The following TRPV6 variants were observed in gnomAD, a reference collection of about 807,000 sequenced individuals.
TRPV6 encodes Alu-binding protein with zinc finger domain.
Under a neutral mutation model 79.0 loss-of-function variants are expected in TRPV6, and 39 were observed. The ratio of observed to expected loss-of-function variants is 0.49; its 90% CI spans 0.38 to 0.64. TRPV6 has a LOEUF of 0.64. TRPV6 is among the 30% of genes least tolerant of loss of function. The pLI is 0.00. For missense variants in TRPV6, 813 were observed against 1,011.1 expected (o/e 0.80, Z 2.66); for synonymous variants, 373 against 391.9 (o/e 0.95, Z 0.57).
At chr7:142,880,862 C>A (rs555708721) in intron 1 of TRPV6, 1 of 152,182 alleles carries the variant, frequency 6.6e-6, no homozygotes, top group African/African-American at 2.4e-5. Context: ...GCAGCCTATT[C>A]GTTATCTCAA....
At chr7:142,884,708 G>A (rs946215167) in intron 1 of TRPV6, 1 of 152,128 alleles carries the variant, frequency 6.6e-6, no homozygotes, top group Admixed American at 6.5e-5. Flanking sequence ...GAAGAGCACA[G>A]GTCCTCGGAA....
Position 142,872,002 on chromosome 7 carries a change from G to A in TRPV6, c.2016-13C>T, listed in dbSNP as rs369747396. On this transcript the variant is annotated splice_polypyrimidine_tract_variant and intron_variant, in intron 14 of 14. Coordinates refer to ENST00000359396, the MANE Select transcript of TRPV6 (RefSeq NM_018646.6). ...CCTGTCTTCCACCCTGTGGAATGCGGGAGGACTTGAGACACAGCCAGGACT... is the reference window on the plus strand; with the variant it reads ...CCTGTCTTCCACCCTGTGGAATGCGAGAGGACTTGAGACACAGCCAGGACT... 5.1e-6 allele frequency: 8 copies of A among 1,569,098 alleles called. No individual in the cohort carries two copies. In the African/African-American group the frequency reaches 5.4e-5, roughly 11 times the overall value.
Position 142,872,478 on chromosome 7 carries a change from T to A in TRPV6, c.1909A>T (p.Ile637Phe). ...TCCAGCATCACTGTGGTGGCCACAA[T>A]CTGCGTATGGGAACAAAAGGAGAAG... is the stretch of plus-strand genomic sequence containing the variant. The change falls in exon 14 of 15, where the codon ATT (isoleucine) becomes TTT (phenylalanine). Residue 637 changes from isoleucine to phenylalanine, a missense_variant and splice_region_variant. By Grantham distance (21) the Ile-to-Phe change is conservative (BLOSUM62 0). This residue lies in a region of TRPV6 where 164 missense variants were observed against 186.1 expected (regional missense o/e 0.88). Transcript: ENST00000359396. 1 of 1,612,322 alleles carries A rather than the reference T, an allele frequency of 6.2e-7. No homozygotes were observed. The highest frequency in any genetic ancestry group is 8.5e-7 in the Non-Finnish European group (1 of 1,179,242).
chr7:142,872,871 C>T (rs1414261471), intron 13 of TRPV6, among the ~76,000 whole-genome samples: 1 of 152,174 alleles, frequency 6.6e-6, no homozygotes, highest in African/African-American at 2.4e-5. Flanking sequence ...GTTTTCTACA[C>T]AGCATAGTTA....
intron 13 of TRPV6, among the ~76,000 whole-genome samples, chr7:142,872,725 G>T (rs1035815757): frequency 6.6e-5 from 10 of 152,188 alleles, no homozygotes; most frequent in Non-Finnish European, 1.5e-5. Flanking sequence ...GCTTTTAAGG[G>T]CTCCCAGATA....
intron 4 of TRPV6, 26 bp downstream of exon 4, chr7:142,877,116 T>C: frequency 6.2e-7 from 1 of 1,602,988 alleles, no homozygotes; most frequent in Non-Finnish European, 8.5e-7. Context: ...CAACTGCCCG[T>C]CCTCCAAGCC....
Position 142,871,653 on chromosome 7 carries a change from G to T in TRPV6, c.*54C>A. On this transcript the variant is annotated 3_prime_UTR_variant, in exon 15 of 15. Transcript: ENST00000359396. The stretch of plus-strand genomic sequence containing the variant: ...TGGGTGTTTGGTTTTTGTTTTGTTT[G>T]ATGCACCCAGGAAAATGAGAGCAAG... The T allele has an allele frequency of 6.5e-7, 1 of 1,535,282 alleles. No individual in the cohort carries two copies. Among genetic ancestry groups the T allele is most frequent in the African/African-American group, 1.4e-5 (1 of 72,524 alleles).
Position 142,873,964 on chromosome 7 carries a change from T to C in TRPV6, c.1639+112A>G. 1 of 1,263,486 alleles carries C rather than the reference T, an allele frequency of 7.9e-7. No homozygotes were observed. The highest frequency in any genetic ancestry group is 1.3e-5 in the South Asian group (1 of 78,124). 78.3% of individuals were successfully genotyped at this position (1,263,486 alleles called of 1,614,324 possible). A position where few individuals can be genotyped will look rare whatever the true frequency, so the allele number is the denominator to read the frequency against. ...ACGTCCCATCCTCTGATACCATAGG[T>C]CTCCTCTGATCTCTGCATTACTCCT... On this transcript the variant is annotated intron_variant, in intron 12 of 14. Transcript: ENST00000359396. The surrounding 1 kb of genome is among the most constrained non-coding windows in gnomAD (Gnocchi z 4.8).
intron 11 of TRPV6, 118 bp downstream of exon 11, chr7:142,874,373 C>G (rs1795007946): frequency 1.5e-6 from 2 of 1,343,162 alleles, no homozygotes; most frequent in Middle Eastern, 1.8e-4. Flanking sequence ...GAAAAACATG[C>G]AGTGAGGCCA....
chr7:142,877,463 G>C, intron 3 of TRPV6, 184 bp from the exon 4 acceptor site: 1 of 1,442,152 alleles, frequency 6.9e-7, no homozygotes. Context: ...CTAGGCCCCT[G>C]GCATTTCAGG....
At position 142,875,784 on chromosome 7, in the gene TRPV6, G is replaced by A; in HGVS notation, c.1003C>T (p.Leu335Phe). 6.2e-7 allele frequency: 1 copy of A among 1,608,694 alleles called. No individual in the cohort carries two copies. The highest frequency in any genetic ancestry group is 8.5e-7 in the Non-Finnish European group (1 of 1,177,102). Residue 335 changes from leucine (L) to phenylalanine (F), a missense_variant, in exon 7 of 15, where the codon CTT becomes TTT. Transcript: ENST00000359396. ...TCCCGCTTCTTGGTGGTGATGATAA[G>A]TTCCAGCAGGGACTGCTCATCCCCT...
intron 8 of TRPV6, 115 bp downstream of exon 8, chr7:142,875,353 A>C: frequency 7.7e-7 from 1 of 1,301,748 alleles, no homozygotes; most frequent in Non-Finnish European, 1.1e-6. Flanking sequence ...GTTTGTACCC[A>C]TATATTTGAG....
chr7:142,874,199 T>A, intron 11 of TRPV6, 57 bp from the exon 12 acceptor site: 1 of 1,567,544 alleles, frequency 6.4e-7, no homozygotes, highest in Non-Finnish European at 8.7e-7. Context: ...AATTGCCCCA[T>A]CCAGCCTCTA....
chr7:142,877,062 A>T, intron 4 of TRPV6, 80 bp downstream of exon 4: 1 of 1,519,162 alleles, frequency 6.6e-7, no homozygotes, highest in Non-Finnish European at 8.9e-7. Context: ...GGCTGAAGAC[A>T]GGATCCTCCT....
At chr7:142,874,344 A>C in intron 11 of TRPV6, 147 bp downstream of exon 11, 1 of 1,265,800 alleles carries the variant, frequency 7.9e-7, no homozygotes. Flanking sequence ...CATTTTTTAA[A>C]AGGATTGTTA....
chr7:142,874,059 C>G lies in TRPV6; in HGVS notation c.1639+17G>C, dbSNP rs1795002098. On this transcript the variant is annotated intron_variant, in intron 12 of 14. Transcript: ENST00000359396. ...TCTCTTCCCTGCCATGGCCCCTGGT[C>G]CTGGACAGATGATTACCTGAAGCAA... is the stretch of plus-strand genomic sequence containing the variant. The G allele has an allele frequency of 6.2e-7, 1 of 1,612,442 alleles. No individual in the cohort carries two copies. Among genetic ancestry groups the G allele is most frequent in the African/African-American group, 1.3e-5 (1 of 75,026 alleles).
chr7:142,877,589 G>C, intron 3 of TRPV6, 62 bp downstream of exon 3: 2 of 1,581,106 alleles, frequency 1.3e-6, no homozygotes, highest in Non-Finnish European at 1.7e-6. Flanking sequence ...CCATCACAGA[G>C]ACTGACTTGA....
In TRPV6 at chr7:142,871,772, T is replaced by A. The variant is rs1794936846; in HGVS notation, c.2233A>T (p.Arg745Ter). 2 of 1,614,176 alleles carry A rather than the reference T, an allele frequency of 1.2e-6. No homozygotes were observed. Among genetic ancestry groups the A allele is most frequent in the Non-Finnish European group, 1.7e-6 (2 of 1,180,014 alleles). Residue 745 changes from arginine (R) to a stop codon, truncating the protein, a stop_gained, in exon 15 of 15, where the codon AGA (arginine) becomes TGA (stop). Transcript: ENST00000359396. LOFTEE classifies it high-confidence loss of function. ...CTGTTGATTATCCCACGCAGGTCTC[T>A]CCTCAGGGTCCCTTGCCGAAGCCTT...
intron 1 of TRPV6, chr7:142,885,069 G>C (rs1795275864): frequency 9.7e-6 from 2 of 205,916 alleles, no homozygotes; most frequent in Admixed American, 1.1e-4. Flanking sequence ...GTCCCCTCTT[G>C]GGTGGAGGGG....
Sources: gnomAD v4.1 joint callset for allele counts (sites outside exome capture counted in the v4.1 genomes callset) on GRCh38, gnomAD v4.1.1 for gene constraint, gnomAD v4.1.1 regional missense constraint, Gnocchi (gnomAD v3.1) non-coding constraint, MANE v1.5 for transcripts, NCBI Gene and HGNC (gene_info 2026-07-23, HGNC 2026-07-21) for gene names.